Variants in OSTF1 observed in about 807,000 individuals in gnomAD.
The protein encoded by OSTF1 is osteoclast-stimulating factor 1.
Under a neutral mutation model 37.2 loss-of-function variants are expected in OSTF1, and 27 were observed. The ratio of observed to expected loss-of-function variants is 0.73; its 90% CI spans 0.54 to 1.00. The LOEUF (loss-of-function observed/expected upper bound fraction) is 1.00. OSTF1 is among the 50% of genes least tolerant of loss of function. OSTF1 has a pLI of 0.00. For synonymous variants in OSTF1, 82 were observed against 89.2 expected, an observed-to-expected ratio of 0.92 and a Z score of 0.46; for missense variants, 232 against 253.8, an observed-to-expected ratio of 0.91 and a Z score of 0.58.
intron 2 of OSTF1, among the ~76,000 whole-genome samples, chr9:75,123,372 C>T (rs563742555): frequency 2.0e-3 from 308 of 152,186 alleles, no homozygotes; most frequent in African/African-American, 7.2e-3. Context: ...TGCAGAGAGC[C>T]GAGATCGTGC....
At chr9:75,103,346 T>G (rs923462554) in intron 1 of OSTF1, among the ~76,000 whole-genome samples, 5 of 152,206 alleles carry the variant, frequency 3.3e-5, no homozygotes, top group Admixed American at 2.6e-4. Flanking sequence ...CAAAAGGGCA[T>G]TAAAAGAGAA....
chr9:75,095,928 G>C (rs1208334342), intron 1 of OSTF1, among the ~76,000 whole-genome samples: 2 of 149,796 alleles, frequency 1.3e-5, no homozygotes, highest in Non-Finnish European at 3.0e-5. Flanking sequence ...GTCTTGCTCT[G>C]TCGCCCAGGC....
intron 1 of OSTF1, among the ~76,000 whole-genome samples, chr9:75,105,035 T>TA (rs1250880613): frequency 6.6e-6 from 1 of 152,206 alleles, no homozygotes; most frequent in African/African-American, 2.4e-5. Flanking sequence ...TGGCCCATGG[T>TA]AAGTGTCCCA....
intron 1 of OSTF1, among the ~76,000 whole-genome samples, chr9:75,108,002 C>G (rs1809304883): frequency 6.6e-6 from 1 of 151,912 alleles, no homozygotes; most frequent in African/African-American, 2.4e-5. Context: ...TTTGGGAGGC[C>G]GAGGTGGGAG....
chr9:75,096,750 A>G (rs1181537123), intron 1 of OSTF1, among the ~76,000 whole-genome samples: 1 of 152,216 alleles, frequency 6.6e-6, no homozygotes, highest in Non-Finnish European at 1.5e-5. Context: ...TGGGGAGAAG[A>G]CGCTTCCAAA....
chr9:75,134,601 T>C (rs1262127576), intron 7 of OSTF1, among the ~76,000 whole-genome samples: 1 of 152,226 alleles, frequency 6.6e-6, no homozygotes, highest in Non-Finnish European at 1.5e-5. Flanking sequence ...TTTAGCTCTT[T>C]CTTCCTGTAC....
intron 1 of OSTF1, among the ~76,000 whole-genome samples, chr9:75,112,643 A>G (rs1825412164): frequency 6.6e-6 from 1 of 152,248 alleles, no homozygotes; most frequent in East Asian, 1.9e-4. Context: ...AGTTGTGAAC[A>G]TTTTAAGTAA....
intron 1 of OSTF1, among the ~76,000 whole-genome samples, chr9:75,099,264 CT>C (rs113012001): frequency 0.12 from 16,465 of 141,150 alleles, 1,558 homozygotes; most frequent in African/African-American, 0.27. Flanking sequence ...TGATAAATGG[CT>C]TTTTTTTTTT....
intron 1 of OSTF1, among the ~76,000 whole-genome samples, chr9:75,094,247 A>C (rs955158985): frequency 6.6e-6 from 1 of 152,224 alleles, no homozygotes; most frequent in Admixed American, 6.5e-5. Flanking sequence ...ATGGATCCGT[A>C]TTAGAGCATT....
At chr9:75,092,637 C>T (rs1203100796) in intron 1 of OSTF1, among the ~76,000 whole-genome samples, 2 of 152,180 alleles carry the variant, frequency 1.3e-5, no homozygotes, top group East Asian at 3.9e-4. Context: ...ATATAGGAAT[C>T]ATCCCTGTCA....
chr9:75,126,346 A>G (rs1825661404), intron 2 of OSTF1, among the ~76,000 whole-genome samples: 1 of 152,258 alleles, frequency 6.6e-6, no homozygotes, highest in Non-Finnish European at 1.5e-5. Flanking sequence ...TGCTCATGAC[A>G]GAATTTGGAA....
rs766201375 is a variant in OSTF1 at position 75,146,677 on chromosome 9, T to C, written c.587-6T>C. 1 of 1,604,998 alleles carries C rather than the reference T, an allele frequency of 6.2e-7. No homozygotes were observed. The highest frequency in any genetic ancestry group is 8.5e-7 in the Non-Finnish European group (1 of 1,174,256). The stretch of plus-strand genomic sequence containing the variant: ...ATTTTGCTTTTTTCCCTCCTCTTTC[T>C]TTCAGATGCAGTTCGAACATTAAGC... On this transcript the variant is annotated splice_region_variant and splice_polypyrimidine_tract_variant and intron_variant, in intron 9 of 9. Transcript: ENST00000346234.
intron 2 of OSTF1, among the ~76,000 whole-genome samples, chr9:75,124,185 A>C (rs1825626164): frequency 6.6e-6 from 1 of 152,218 alleles, no homozygotes. Context: ...CATGGGGCAC[A>C]TGAGATGTTT....
intron 1 of OSTF1, among the ~76,000 whole-genome samples, chr9:75,097,033 C>T (rs796944461): frequency 6.6e-6 from 1 of 152,098 alleles, no homozygotes; most frequent in African/African-American, 2.4e-5. Flanking sequence ...GCTAGCCCTG[C>T]GAGGACTTCA....
intron 1 of OSTF1, among the ~76,000 whole-genome samples, chr9:75,116,605 CTTTTT>C (rs75110694): frequency 8.1e-6 from 1 of 122,876 alleles, no homozygotes; most frequent in Non-Finnish European, 1.7e-5. Flanking sequence ...CCAATGGGTC[CTTTTT>C]TTTTTTTTTT....
chr9:75,107,791 G>A (rs1021638005), intron 1 of OSTF1, among the ~76,000 whole-genome samples: 1 of 152,078 alleles, frequency 6.6e-6, no homozygotes, highest in Non-Finnish European at 1.5e-5. Context: ...TGGATAACTG[G>A]CCAAATGGTG....
intron 1 of OSTF1, among the ~76,000 whole-genome samples, chr9:75,094,768 G>A (rs1475418708): frequency 6.6e-6 from 1 of 152,206 alleles, no homozygotes; most frequent in Admixed American, 6.5e-5. Context: ...TACAGGCCAG[G>A]CACAGTGGTT....
chr9:75,117,099 A>G lies in OSTF1; in HGVS notation c.35-405A>G, dbSNP rs554817195. ...TTTTATGATTGACAGATAATTGTAC[A>G]TATTCATGGGCTACATAGTGATGTT... is the stretch of plus-strand genomic sequence containing the variant. On this transcript the variant is annotated intron_variant, in intron 1 of 9. Coordinates refer to ENST00000346234, the MANE Select transcript of OSTF1 (RefSeq NM_012383.5). 2.5e-3 allele frequency among the ~76,000 whole-genome samples: 386 copies of G among 152,352 alleles called. 3 individuals are homozygous for G. The highest frequency in any genetic ancestry group is 8.4e-3 in the Admixed American group (129 of 15,306).
At chr9:75,100,409 T>C (rs563408929) in intron 1 of OSTF1, among the ~76,000 whole-genome samples, 1 of 152,234 alleles carries the variant, frequency 6.6e-6, no homozygotes, top group Admixed American at 6.5e-5. Flanking sequence ...TGGGCATCCA[T>C]CAGTGAAAAA....
Sources: gnomAD v4.1 joint callset for allele counts (sites outside exome capture counted in the v4.1 genomes callset) on GRCh38, gnomAD v4.1.1 for gene constraint, MANE v1.5 for transcripts, NCBI Gene and HGNC (gene_info 2026-07-23, HGNC 2026-07-21) for gene names.